The following SH3PXD2A variants were observed in gnomAD, a reference collection of about 807,000 sequenced individuals.
The protein encoded by SH3PXD2A is SH3 and PX domains 2A.
In SH3PXD2A, 32 loss-of-function variants were observed where a neutral mutation model predicts 115.2. The observed-to-expected ratio is 0.28, with a 90% CI of 0.21 to 0.37. The LOEUF (loss-of-function observed/expected upper bound fraction) is 0.37, where lower values mean the gene tolerates loss of function less well. Among genes scored for constraint, SH3PXD2A ranks in the 10% least tolerant of loss-of-function variants. The pLI, the probability that SH3PXD2A is intolerant of heterozygous loss-of-function variation, is 1.00. For synonymous variants in SH3PXD2A, 610 were observed against 629.1 expected (o/e 0.97, Z 0.45); for missense variants, 1,328 against 1,498.7 (o/e 0.89, Z 1.88).
intron 5 of SH3PXD2A, among the ~76,000 whole-genome samples, chr10:103,702,859 G>A (rs941677039): frequency 4.6e-5 from 7 of 152,094 alleles, no homozygotes; most frequent in Non-Finnish European, 7.4e-5. Context: ...GACTTGTGTC[G>A]GGGGAGCCAG....
chr10:103,818,179 CCTGT>C (rs1478142081), intron 1 of SH3PXD2A, among the ~76,000 whole-genome samples: 1 of 152,314 alleles, frequency 6.6e-6, no homozygotes, highest in Admixed American at 6.5e-5. Flanking sequence ...ATCTTCTCAG[CCTGT>C]CTAATTCCTG....
intron 1 of SH3PXD2A, among the ~76,000 whole-genome samples, chr10:103,853,166 TTGTC>T (rs1842911770): frequency 1.3e-5 from 2 of 152,328 alleles, no homozygotes; most frequent in South Asian, 2.1e-4. Context: ...GGGAAACACT[TTGTC>T]TGTAAAAAGG....
At chr10:103,697,562 T>A (rs2037839680) in intron 5 of SH3PXD2A, among the ~76,000 whole-genome samples, 1 of 152,142 alleles carries the variant, frequency 6.6e-6, no homozygotes, top group Non-Finnish European at 1.5e-5. Flanking sequence ...CCAGGAAGTG[T>A]GTTCATCCCT....
chr10:103,672,554 A>G (rs1406247476), intron 6 of SH3PXD2A, among the ~76,000 whole-genome samples: 1 of 152,258 alleles, frequency 6.6e-6, no homozygotes, highest in Non-Finnish European at 1.5e-5. Context: ...CAGGAGGCAC[A>G]GAGGGCAGAG....
At position 103,600,499 on chromosome 10, in the gene SH3PXD2A, G is replaced by A. The variant is rs889421958; in HGVS notation, c.*1317C>T. 4 of 152,338 alleles carry A rather than the reference G, an allele frequency of 2.6e-5. No individual in the cohort carries two copies. In the East Asian group the frequency reaches 7.7e-4, roughly 29 times the overall value. The allele number at this position is 152,338 out of a possible 1,614,324, so 9.4% of individuals were successfully genotyped here. ...GCCGGGTCCCCCCTCTGCCCATAGT[G>A]GGGACAATGGCTGCTTCTCCATGCT... On this transcript the variant is annotated 3_prime_UTR_variant, in exon 15 of 15. Coordinates refer to ENST00000369774, the MANE Select transcript of SH3PXD2A (RefSeq NM_001394015.1).
At chr10:103,743,796 A>G (rs889021650) in intron 3 of SH3PXD2A, among the ~76,000 whole-genome samples, 2 of 152,204 alleles carry the variant, frequency 1.3e-5, no homozygotes, top group East Asian at 3.8e-4. Flanking sequence ...GAGATTGCAG[A>G]ATCAGAATTT....
At chr10:103,769,700 G>C (rs2038798824) in intron 2 of SH3PXD2A, among the ~76,000 whole-genome samples, 1 of 152,026 alleles carries the variant, frequency 6.6e-6, no homozygotes, top group Non-Finnish European at 1.5e-5. Context: ...CCAAAGTGCT[G>C]GGATTACCGG....
At chr10:103,643,417 C>A (rs1304993405) in intron 8 of SH3PXD2A, among the ~76,000 whole-genome samples, 3 of 152,200 alleles carry the variant, frequency 2.0e-5, no homozygotes, top group African/African-American at 7.2e-5. Flanking sequence ...AAAACTTAAA[C>A]ATGTATTTCA....
intron 1 of SH3PXD2A, among the ~76,000 whole-genome samples, chr10:103,814,008 A>C (rs1247740136): frequency 4.4e-5 from 6 of 135,114 alleles, no homozygotes; most frequent in East Asian, 2.1e-4. Flanking sequence ...CTAAAAAAAA[A>C]AAAAAAACAA....
At chr10:103,701,518 T>C (rs1478764581) in intron 5 of SH3PXD2A, among the ~76,000 whole-genome samples, 15 of 129,888 alleles carry the variant, frequency 1.2e-4, no homozygotes, top group Admixed American at 4.5e-4. Context: ...CATCCATCCA[T>C]CATCCATCCA....
At chr10:103,626,614 AAAAAAG>A (rs1324827560) in intron 9 of SH3PXD2A, among the ~76,000 whole-genome samples, 1 of 151,734 alleles carries the variant, frequency 6.6e-6, no homozygotes, top group Non-Finnish European at 1.5e-5. Flanking sequence ...ATTAAAAAAA[AAAAAAG>A]AAAAAGAAAA....
chr10:103,830,841 T>TGG, intron 1 of SH3PXD2A, among the ~76,000 whole-genome samples: 1 of 152,126 alleles, frequency 6.6e-6, no homozygotes, highest in Non-Finnish European at 1.5e-5. Context: ...TTAGAGAGGA[T>TGG]GGCTAAGAGG....
At chr10:103,801,391 CA>C in intron 1 of SH3PXD2A, 29 bp from the exon 2 acceptor site, 3 of 1,441,518 alleles carry the variant, frequency 2.1e-6, no homozygotes, top group Non-Finnish European at 2.9e-6. Context: ...AGCAGGTGAG[CA>C]AGGCTGGATT....
chr10:103,695,981 A>G (rs1026868333), intron 5 of SH3PXD2A, among the ~76,000 whole-genome samples: 6 of 152,196 alleles, frequency 3.9e-5, no homozygotes, highest in African/African-American at 1.4e-4. Flanking sequence ...AGTGGGTGAG[A>G]CCAGGACTGG....
intron 8 of SH3PXD2A, among the ~76,000 whole-genome samples, chr10:103,654,013 G>A (rs924647195): frequency 2.0e-5 from 3 of 151,622 alleles, no homozygotes; most frequent in Non-Finnish European, 4.4e-5. Flanking sequence ...TGTACTCCTC[G>A]CTCTGCCTGT....
At chr10:103,644,602 A>AAG (rs1422031002) in intron 8 of SH3PXD2A, among the ~76,000 whole-genome samples, 1 of 151,340 alleles carries the variant, frequency 6.6e-6, no homozygotes, top group African/African-American at 2.4e-5. Flanking sequence ...AAAAAAAAAA[A>AAG]AAGTCTCCAG....
At chr10:103,686,207 T>A (rs980408080) in intron 6 of SH3PXD2A, among the ~76,000 whole-genome samples, 3 of 152,176 alleles carry the variant, frequency 2.0e-5, no homozygotes, top group Admixed American at 1.3e-4. Context: ...GAGAACAAGC[T>A]TGTAACAACA....
At chr10:103,786,889 G>A (rs568383208) in intron 2 of SH3PXD2A, among the ~76,000 whole-genome samples, 323 of 152,276 alleles carry the variant, frequency 2.1e-3, no homozygotes, top group South Asian at 4.8e-3. Flanking sequence ...AGTCAGGTTT[G>A]TCCCTAAGCT....
At chr10:103,649,206 G>C (rs1227872163) in intron 8 of SH3PXD2A, among the ~76,000 whole-genome samples, 4 of 152,194 alleles carry the variant, frequency 2.6e-5, no homozygotes, top group African/African-American at 9.7e-5. Flanking sequence ...CTTGGTAACA[G>C]CACAGTCGTC....
Sources: gnomAD v4.1 joint callset for allele counts (sites outside exome capture counted in the v4.1 genomes callset) on GRCh38, gnomAD v4.1.1 for gene constraint, MANE v1.5 for transcripts, NCBI Gene and HGNC (gene_info 2026-07-23, HGNC 2026-07-21) for gene names.